Variants in FUT8 observed in about 807,000 individuals in gnomAD.
The protein encoded by FUT8 is fucosyltransferase 8.
A neutral mutation model predicts 71.3 loss-of-function variants in FUT8; 29 were observed. The ratio of observed to expected loss-of-function variants is 0.41; its 90% confidence interval spans 0.30 to 0.55. The LOEUF is 0.55. Among genes scored for constraint, FUT8 ranks in the 20% least tolerant of loss-of-function variants. FUT8 has a pLI of 0.34. For missense variants in FUT8, 544 were observed against 702.1 expected (o/e 0.77, Z 2.55); for synonymous variants, 254 against 239.3 (o/e 1.06, Z -0.57).
chr14:65,416,387 A>T (rs898258689), intron 1 of FUT8, among the ~76,000 whole-genome samples: 4 of 151,968 alleles, frequency 2.6e-5, no homozygotes, highest in Non-Finnish European at 4.4e-5. Flanking sequence ...TCCTGGGCTC[A>T]AGCAATCCTC....
intron 2 of FUT8, among the ~76,000 whole-genome samples, chr14:65,477,536 AGAGGAGATTTCCTATAG>A (rs1461759442): frequency 1.3e-5 from 2 of 152,238 alleles, no homozygotes; most frequent in Non-Finnish European, 2.9e-5. Flanking sequence ...ATTTCTATAT[AGAGGAGATTTCCTATAG>A]GATGACCTGT....
At chr14:65,712,862 G>T (rs1894872503) in intron 7 of FUT8, among the ~76,000 whole-genome samples, 1 of 152,150 alleles carries the variant, frequency 6.6e-6, no homozygotes, top group Admixed American at 6.5e-5. Context: ...TCACATCAGG[G>T]TAAATGGGGT....
intron 7 of FUT8, among the ~76,000 whole-genome samples, chr14:65,707,771 A>G (rs528877169): frequency 1.2e-4 from 19 of 152,226 alleles, no homozygotes; most frequent in African/African-American, 4.3e-4. Flanking sequence ...TCAAAACTCA[A>G]TTGACCATAA....
At chr14:65,411,143 G>A (rs181019393), upstream of FUT8, 1 of 152,214 alleles carries the variant, frequency 6.6e-6, no homozygotes, top group African/African-American at 2.4e-5. Context: ...GAAATCTCAT[G>A]GGAGAGAGCA....
intron 2 of FUT8, among the ~76,000 whole-genome samples, chr14:65,551,844 T>G (rs1214655363): frequency 1.3e-5 from 2 of 152,216 alleles, no homozygotes; most frequent in Non-Finnish European, 2.9e-5. Flanking sequence ...GTAAATTTAA[T>G]AGAGACTTCG....
rs200916285 is a variant in FUT8, at chr14:65,591,886, ATACTT to A, written c.204-24086_204-24082del. On this transcript the variant is annotated intron_variant, in intron 3 of 10. Transcript: ENST00000673929. Reference sequence around the variant, plus strand: ...ATGTCATATATAATCTAGTAACAGCATACTTTACTTATGTGATTAACACCACAGGC... The same window carrying A: ...ATGTCATATATAATCTAGTAACAGCATACTTATGTGATTAACACCACAGGC... Among the ~76,000 whole-genome samples the A allele has an allele frequency of 9.4e-3, 1,416 of 150,726 alleles. 22 individuals are homozygous for A. Among genetic ancestry groups the A allele is most frequent in the African/African-American group, 0.033 (1,357 of 40,850 alleles).
intron 2 of FUT8, chr14:65,528,711 T>C (rs1452616881): frequency 1.3e-5 from 2 of 152,090 alleles, no homozygotes; most frequent in African/African-American, 4.8e-5. Flanking sequence ...CAAAATAAAA[T>C]TGATAAGATA....
At position 65,483,094 on chromosome 14, in the gene FUT8, T is replaced by A. The variant is rs2066356505; in HGVS notation, c.-228+27376T>A. On this transcript the variant is annotated intron_variant, in intron 2 of 10. Transcript: ENST00000673929. This position sits in a 1 kb window ranked among gnomAD's most constrained non-coding sequence, Gnocchi z 4.4. The stretch of plus-strand genomic sequence containing the variant: ...CAGAGTATCTTTGGTGGGACACTTC[T>A]GTGTGAAGAGATTTTACTAGCACCC... Among the ~76,000 whole-genome samples the A allele has an allele frequency of 6.6e-6, 1 of 152,224 alleles. No individual in the cohort carries two copies.
chr14:65,703,041 G>A (rs754116269), intron 7 of FUT8, among the ~76,000 whole-genome samples: 9 of 152,160 alleles, frequency 5.9e-5, no homozygotes, highest in Non-Finnish European at 8.8e-5. Flanking sequence ...CACTGCGCCC[G>A]GCCTAGGGTA....
At chr14:65,373,553 G>A in the FUT8 span, among the ~76,000 whole-genome samples, 25 of 152,056 alleles carry the variant, frequency 1.6e-4, no homozygotes, top group Admixed American at 6.6e-5. Context: ...TGTGGCGCCA[G>A]AGCCCAAAAG....
chr14:65,679,200 G>C (rs1892914594), intron 7 of FUT8, among the ~76,000 whole-genome samples: 1 of 152,202 alleles, frequency 6.6e-6, no homozygotes, highest in African/African-American at 2.4e-5. Context: ...ACCTGCCTCT[G>C]CTGCTACATC....
At position 65,611,284 on chromosome 14, in the gene FUT8, CA is replaced by C. The variant is rs1566851497; in HGVS notation, c.204-4693del. 4.1e-4 allele frequency among the ~76,000 whole-genome samples: 17 copies of C among 41,322 alleles called. 1 individual carries two copies. Among genetic ancestry groups the C allele is most frequent in the Non-Finnish European group, 6.5e-4 (14 of 21,642 alleles). The allele number at this position is 41,322 out of a possible 152,430, so 27.1% of individuals were successfully genotyped here. A position where few individuals can be genotyped will look rare whatever the true frequency, so the allele number is the denominator to read the frequency against. On this transcript the variant is annotated intron_variant, in intron 3 of 10. Transcript: ENST00000673929. ...ACACACACACACACACACACACACA[CA>C]CACACACACACACACACCCCCCAAG...
At position 65,638,160 on chromosome 14, in the gene FUT8, A is replaced by G. The variant is rs898494345; in HGVS notation, c.597+8554A>G. 6.6e-6 allele frequency among the ~76,000 whole-genome samples: 1 copy of G among 152,194 alleles called. No homozygotes were observed. The highest frequency in any genetic ancestry group is 1.5e-5 in the Non-Finnish European group (1 of 68,044). On this transcript the variant is annotated intron_variant, in intron 6 of 10. Coordinates refer to ENST00000673929, the MANE Select transcript of FUT8 (RefSeq NM_001371533.1). The surrounding 1 kb of genome is among the most constrained non-coding windows in gnomAD (Gnocchi z 4.5). ...GCAGAAGCAGTGTAGGTGCTGTCCT[A>G]CAGTTGTTCCTGTGAACATTGTCCT... is the stretch of plus-strand genomic sequence containing the variant.
intron 1 of FUT8, among the ~76,000 whole-genome samples, chr14:65,420,356 GTCC>G (rs1221547656): frequency 1.3e-5 from 2 of 151,872 alleles, no homozygotes; most frequent in Non-Finnish European, 2.9e-5. Flanking sequence ...GGCTCAAGTG[GTCC>G]TCCTCCCTTG....
chr14:65,585,048 G>A (rs933800115), intron 3 of FUT8, among the ~76,000 whole-genome samples: 6 of 150,640 alleles, frequency 4.0e-5, no homozygotes. Context: ...TATTTAAACA[G>A]ATCTGTTTCA....
intron 2 of FUT8, among the ~76,000 whole-genome samples, chr14:65,460,304 A>G (rs972342189): frequency 1.3e-5 from 2 of 152,236 alleles, no homozygotes; most frequent in African/African-American, 2.4e-5. Context: ...GGAAGATAGA[A>G]ATAGTGCTTC....
chr14:65,470,582 G>T (rs1391205296), intron 2 of FUT8, among the ~76,000 whole-genome samples: 2 of 152,202 alleles, frequency 1.3e-5, no homozygotes, highest in East Asian at 3.8e-4. Flanking sequence ...CAGTTGCCCT[G>T]GCGCTTCAGT....
intron 1 of FUT8, among the ~76,000 whole-genome samples, chr14:65,421,394 G>GCA (rs1374237803): frequency 6.6e-6 from 1 of 152,012 alleles, no homozygotes; most frequent in Admixed American, 6.6e-5. Context: ...TGAGAGGCAG[G>GCA]CACACATGGT....
chr14:65,714,376 G>T (rs986404111), intron 7 of FUT8, among the ~76,000 whole-genome samples: 3 of 151,930 alleles, frequency 2.0e-5, no homozygotes, highest in Non-Finnish European at 4.4e-5. Context: ...TTTCTGCTTA[G>T]GACAGCTTTG....
Sources: gnomAD v4.1 joint callset for allele counts (sites outside exome capture counted in the v4.1 genomes callset) on GRCh38, gnomAD v4.1.1 for gene constraint, Gnocchi (gnomAD v3.1) non-coding constraint, MANE v1.5 for transcripts, NCBI Gene and HGNC (gene_info 2026-07-23, HGNC 2026-07-21) for gene names.